Variants in EXOC2 observed in about 807,000 individuals in gnomAD.
EXOC2 encodes the protein SEC5-like 1.
EXOC2 carries 70 observed loss-of-function variants against 131.8 expected under a neutral mutation model. The ratio of observed to expected loss-of-function variants is 0.53; its 90% CI spans 0.44 to 0.65. The LOEUF (loss-of-function observed/expected upper bound fraction) is 0.65, where lower values mean the gene tolerates loss of function less well. Ranked by LOEUF, EXOC2 falls within the 30% of genes least tolerant of loss-of-function variation. The pLI is 0.00. For missense variants in EXOC2, 923 were observed against 1,108.6 expected, an observed-to-expected ratio of 0.83 and a Z score of 2.38; for synonymous variants, 411 against 398.4, an observed-to-expected ratio of 1.03 and a Z score of -0.38.
At chr6:507,199 C>T (rs527383556) in intron 23 of EXOC2, among the ~76,000 whole-genome samples, 53 of 43,994 alleles carry the variant, frequency 1.2e-3, no homozygotes, top group African/African-American at 3.3e-3. Flanking sequence ...CCCCCCCACA[C>T]ACACACACAG....
chr6:655,471 A>C (rs1224745848), intron 1 of EXOC2, among the ~76,000 whole-genome samples: 1 of 152,192 alleles, frequency 6.6e-6, no homozygotes, highest in Non-Finnish European at 1.5e-5. Context: ...CTGGAACCAA[A>C]CTTGGAGTAT....
At chr6:572,708 T>C (rs1303985035) in intron 12 of EXOC2, 64 bp from the exon 13 acceptor site, 20 of 1,569,900 alleles carry the variant, frequency 1.3e-5, no homozygotes, top group Non-Finnish European at 1.6e-5. Context: ...CCTTTGAGCA[T>C]ATTGGCGCAC....
chr6:616,534 C>T (rs9502324), intron 6 of EXOC2, among the ~76,000 whole-genome samples: 72,034 of 139,812 alleles, frequency 0.52, 18,883 homozygotes, highest in East Asian at 0.63. Context: ...ACCCGGGAGG[C>T]GGAGCTTGCA....
At position 491,187 on chromosome 6, in the gene EXOC2, C is replaced by A. The variant is rs746230240; in HGVS notation, c.2560-1G>T. ...TCAAAGCACAGATTTCAAGTCTCGCCTGAAAATGAGAAAAAGACAAAGTGA... is the reference window on the plus strand; with the variant it reads ...TCAAAGCACAGATTTCAAGTCTCGCATGAAAATGAGAAAAAGACAAAGTGA... On this transcript the variant is annotated splice_acceptor_variant, in intron 25 of 27. Transcript: ENST00000230449. LOFTEE classifies it high-confidence loss of function. 1 of 1,614,060 alleles carries A rather than the reference C, an allele frequency of 6.2e-7. No individual in the cohort carries two copies. The highest frequency in any genetic ancestry group is 8.5e-7 in the Non-Finnish European group (1 of 1,179,988).
intron 6 of EXOC2, among the ~76,000 whole-genome samples, chr6:611,200 G>A (rs746101742): frequency 2.0e-5 from 3 of 152,124 alleles, no homozygotes; most frequent in African/African-American, 4.8e-5. Context: ...CTATGCCTAA[G>A]CATTAGAAAG....
chr6:631,814 G>C (rs1761873321), intron 3 of EXOC2, among the ~76,000 whole-genome samples: 1 of 152,054 alleles, frequency 6.6e-6, no homozygotes, highest in African/African-American at 2.4e-5. Context: ...ATGTATATAT[G>C]TACACATGCA....
chr6:686,175 G>C (rs1365695706), intron 1 of EXOC2, among the ~76,000 whole-genome samples: 1 of 151,706 alleles, frequency 6.6e-6, no homozygotes, highest in African/African-American at 2.4e-5. Context: ...TATTGGCCAG[G>C]ATGGTCTCAA....
intron 1 of EXOC2, among the ~76,000 whole-genome samples, chr6:661,533 T>C (rs1453944084): frequency 1.3e-5 from 2 of 152,186 alleles, no homozygotes; most frequent in Admixed American, 6.5e-5. Flanking sequence ...TTTGTATCCA[T>C]TGAACCTATG....
In EXOC2 at chr6:549,246, G is replaced by C. The variant is rs373080488; in HGVS notation, c.2167C>G (p.Arg723Gly). The C allele has an allele frequency of 6.2e-7, 1 of 1,614,060 alleles. No individual in the cohort carries two copies. Among genetic ancestry groups the C allele is most frequent in the Non-Finnish European group, 8.5e-7 (1 of 1,180,030 alleles). The stretch of plus-strand genomic sequence containing the variant: ...TCTGCGATATTTAGGAAGGTGTGAC[G>C]TTCTAGATAGCAGCAATTACTTAGG... ...IVLSNCCYLE[R>G]HTFLNIAEHF... is the part of the protein sequence containing the mutation. The change falls in exon 22 of 28, where the codon CGT (arginine) becomes GGT (glycine). Residue 723 changes from arginine to glycine, a missense_variant. Physicochemically the swap from Arg to Gly is moderately radical, Grantham distance 125. Coordinates refer to ENST00000230449, the MANE Select transcript of EXOC2 (RefSeq NM_018303.6).
intron 26 of EXOC2, among the ~76,000 whole-genome samples, chr6:490,443 G>A (rs1047018548): frequency 6.6e-6 from 1 of 152,206 alleles, no homozygotes; most frequent in Non-Finnish European, 1.5e-5. Context: ...CGACGGGAAT[G>A]AAAGGCTAAC....
chr6:606,705 T>C (rs1332019289), intron 7 of EXOC2, among the ~76,000 whole-genome samples: 1 of 152,234 alleles, frequency 6.6e-6, no homozygotes, highest in Non-Finnish European at 1.5e-5. Context: ...GGACATCTCA[T>C]GCTTTTCTTC....
intron 25 of EXOC2, among the ~76,000 whole-genome samples, chr6:496,879 G>A (rs548755247): frequency 3.3e-4 from 50 of 152,294 alleles, no homozygotes; most frequent in African/African-American, 8.7e-4. Context: ...AGAAGTGCAC[G>A]CTTCCATCTG....
intron 4 of EXOC2, among the ~76,000 whole-genome samples, chr6:624,922 C>A (rs4959352): frequency 0.65 from 99,241 of 152,062 alleles, 32,586 homozygotes; most frequent in Middle Eastern, 0.69. Context: ...GCTCTGAGTA[C>A]TTCAAACCAA....
At chr6:525,594 T>C (rs1339805147) in intron 23 of EXOC2, 1 of 152,210 alleles carries the variant, frequency 6.6e-6, no homozygotes, top group Non-Finnish European at 1.5e-5. Context: ...TCTTTGTGGG[T>C]ATGCTGTCTC....
intron 1 of EXOC2, among the ~76,000 whole-genome samples, chr6:682,806 GTGA>G (rs1328683590): frequency 6.6e-6 from 1 of 152,190 alleles, no homozygotes; most frequent in African/African-American, 2.4e-5. Flanking sequence ...TTAGATAATG[GTGA>G]TGGTTGTACA....
intron 1 of EXOC2, among the ~76,000 whole-genome samples, chr6:649,624 T>C (rs188653996): frequency 3.4e-4 from 52 of 152,386 alleles, no homozygotes; most frequent in African/African-American, 1.2e-3. Flanking sequence ...AGGGTCCTTA[T>C]GGAAATTAAC....
intron 11 of EXOC2, among the ~76,000 whole-genome samples, chr6:588,027 T>C (rs1294200896): frequency 1.3e-5 from 2 of 152,122 alleles, no homozygotes; most frequent in African/African-American, 2.4e-5. Flanking sequence ...TGGCTATGAG[T>C]TGGTAACTGC....
chr6:618,955 A>C (rs1418523483), intron 5 of EXOC2, among the ~76,000 whole-genome samples: 1 of 152,252 alleles, frequency 6.6e-6, no homozygotes, highest in Non-Finnish European at 1.5e-5. Flanking sequence ...GGGAACCTTC[A>C]AATTGGATAT....
At chr6:590,375 A>G (rs1759474521) in intron 11 of EXOC2, among the ~76,000 whole-genome samples, 1 of 152,186 alleles carries the variant, frequency 6.6e-6, no homozygotes, top group African/African-American at 2.4e-5. Context: ...TTAAATACCA[A>G]GCATAGAAAA....
Sources: gnomAD v4.1 joint callset for allele counts (sites outside exome capture counted in the v4.1 genomes callset) on GRCh38, gnomAD v4.1.1 for gene constraint, MANE v1.5 for transcripts, NCBI Gene and HGNC (gene_info 2026-07-23, HGNC 2026-07-21) for gene names.